The following XRCC5 variants were observed in gnomAD, a reference collection of about 807,000 sequenced individuals.
XRCC5 encodes the protein DNA repair protein Ku80.
Under a neutral mutation model 95.7 loss-of-function variants are expected in XRCC5, and 12 were observed. The observed-to-expected ratio is 0.13, with a 90% CI of 0.08 to 0.20. The LOEUF (loss-of-function observed/expected upper bound fraction) is 0.20, where lower values mean the gene tolerates loss of function less well. Ranked by LOEUF, XRCC5 falls within the 10% of genes least tolerant of loss-of-function variation. The pLI, the probability that XRCC5 is intolerant of heterozygous loss-of-function variation, is 1.00. For synonymous variants in XRCC5, 281 were observed against 290.3 expected, an observed-to-expected ratio of 0.97 and a Z score of 0.33; for missense variants, 595 against 873.9, an observed-to-expected ratio of 0.68 and a Z score of 4.02.
chr2:216,112,461 C>T (rs1234215966), intron 1 of XRCC5, among the ~76,000 whole-genome samples: 1 of 152,208 alleles, frequency 6.6e-6, no homozygotes, highest in Non-Finnish European at 1.5e-5. Context: ...GTGTCCTCTA[C>T]TAGAATAGAT....
intron 14 of XRCC5, chr2:216,156,445 T>C: frequency 1.4e-6 from 1 of 716,372 alleles, no homozygotes. Flanking sequence ...TTGTAGTCTC[T>C]ATCGTACAGC....
intron 7 of XRCC5, among the ~76,000 whole-genome samples, chr2:216,127,136 T>C (rs1696912026): frequency 6.6e-6 from 1 of 151,990 alleles, no homozygotes; most frequent in South Asian, 2.1e-4. Flanking sequence ...GCTACTTGGG[T>C]GTCTGAGGCA....
intron 16 of XRCC5, among the ~76,000 whole-genome samples, chr2:216,164,957 CT>C (rs1689027133): frequency 6.6e-6 from 1 of 152,132 alleles, no homozygotes; most frequent in South Asian, 2.1e-4. Flanking sequence ...TGTCTTACCC[CT>C]GGCCATGGGA....
intron 16 of XRCC5, among the ~76,000 whole-genome samples, chr2:216,168,142 G>A (rs1689089542): frequency 2.6e-5 from 4 of 152,188 alleles, no homozygotes; most frequent in African/African-American, 4.8e-5. Context: ...ATCTGACATC[G>A]TAATTATGCA....
Position 216,117,763 on chromosome 2 carries a change from G to T in XRCC5, c.337G>T (p.Val113Leu). The T allele has an allele frequency of 6.2e-7, 1 of 1,614,108 alleles. No homozygotes were observed. Among genetic ancestry groups the T allele is most frequent in the Non-Finnish European group, 8.5e-7 (1 of 1,179,980 alleles). ...TAGCTGAGTCCTGGATGCACTAATC[G>T]TGAGCATGGATGTGATTCAACATGA... Reference protein sequence around the residue: ...QQADFLDALIVSMDVIQHETI... With the variant: ...QQADFLDALILSMDVIQHETI... The change falls in exon 4 of 21, where the codon GTG becomes TTG. Residue 113 changes from valine (V) to leucine (L), a missense_variant. Val to Leu is a conservative substitution (Grantham distance 32). Around this residue, in one of 2 missense-constraint regions of XRCC5, gnomAD observed 286 missense variants for 491.1 expected, o/e 0.58. Coordinates refer to ENST00000392132, the MANE Select transcript of XRCC5 (RefSeq NM_021141.4).
intron 1 of XRCC5, among the ~76,000 whole-genome samples, chr2:216,110,762 G>T (rs1015405617): frequency 1.3e-5 from 2 of 152,190 alleles, no homozygotes; most frequent in East Asian, 3.8e-4. Flanking sequence ...GCTTTTGTGG[G>T]TGTGTATCAA....
At position 216,119,184 on chromosome 2, in the gene XRCC5, T is replaced by C. The variant is rs759438151; in HGVS notation, c.491+19T>C. 1.9e-6 allele frequency: 3 copies of C among 1,613,288 alleles called. No individual in the cohort carries two copies. The highest frequency in any genetic ancestry group is 2.7e-5 in the African/African-American group (2 of 74,926). On this transcript the variant is annotated intron_variant, in intron 5 of 20. Coordinates refer to ENST00000392132, the MANE Select transcript of XRCC5 (RefSeq NM_021141.4). ...AATTCTTGTAAGATCCTAAGAATAA[T>C]GCATGTAGACAAATCCTATGATTTC...
chr2:216,167,507 C>T (rs1689072222), intron 16 of XRCC5, among the ~76,000 whole-genome samples: 1 of 151,542 alleles, frequency 6.6e-6, no homozygotes, highest in Non-Finnish European at 1.5e-5. Flanking sequence ...GAGTCAAGCC[C>T]TAAACAGTGA....
At chr2:216,182,438 C>T (rs1689407295) in intron 16 of XRCC5, among the ~76,000 whole-genome samples, 1 of 152,054 alleles carries the variant, frequency 6.6e-6, no homozygotes, top group Non-Finnish European at 1.5e-5. Context: ...TTTTTCCTTT[C>T]CCCTACTGCT....
chr2:216,122,100 A>G lies in XRCC5; in HGVS notation c.530A>G (p.Asp177Gly), dbSNP rs760924622. ...CTTGGCAAGGAAGATGGAAGTGGGG[A>G]CAGAGGAGATGGCCCCTTTCGCTTA... The part of the protein sequence containing the change: ...FSLGKEDGSG[D>G]RGDGPFRLGG... The change falls in exon 6 of 21, where the codon GAC (aspartate) becomes GGC (glycine). Residue 177 changes from aspartate to glycine, a missense_variant. Around this residue, in one of 2 missense-constraint regions of XRCC5, gnomAD observed 286 missense variants for 491.1 expected, o/e 0.58. Transcript: ENST00000392132. The G allele has an allele frequency of 6.2e-7, 1 of 1,614,020 alleles. No individual in the cohort carries two copies. The highest frequency in any genetic ancestry group is 8.5e-7 in the Non-Finnish European group (1 of 1,179,970).
chr2:216,184,651 T>A (rs1689459277), intron 16 of XRCC5, among the ~76,000 whole-genome samples: 1 of 152,178 alleles, frequency 6.6e-6, no homozygotes, highest in African/African-American at 2.4e-5. Flanking sequence ...CCCAGCTAAC[T>A]TTTGTATTTT....
chr2:216,156,385 A>T, intron 14 of XRCC5: 1 of 801,284 alleles, frequency 1.2e-6, no homozygotes, highest in Non-Finnish European at 2.2e-6. Context: ...CAACCCTTCA[A>T]TTTAAGTGCT....
At chr2:216,190,392 A>G in intron 17 of XRCC5, 58 bp downstream of exon 17, 1 of 1,426,668 alleles carries the variant, frequency 7.0e-7, no homozygotes, top group Non-Finnish European at 9.8e-7. Flanking sequence ...TCACAGGGAA[A>G]GAGGCATACA....
At chr2:216,153,981 T>A (rs538211899) in intron 14 of XRCC5, among the ~76,000 whole-genome samples, 1 of 152,346 alleles carries the variant, frequency 6.6e-6, no homozygotes, top group South Asian at 2.1e-4. Flanking sequence ...ATTCTCTATT[T>A]CAGTGAATGA....
In XRCC5 at chr2:216,190,350, C is replaced by T. The variant is rs898328166; in HGVS notation, c.1944+16C>T. 1.0e-5 allele frequency: 16 copies of T among 1,603,230 alleles called. No homozygotes were observed. The Admixed American group carries it at 1.5e-4, about 15-fold the overall frequency. The stretch of plus-strand genomic sequence containing the variant: ...AGCCATTAAGGTAATGCTATCCTAG[C>T]ATCTCTTTTCTTCCTAAACAGTTGG... On this transcript the variant is annotated intron_variant, in intron 17 of 20. Coordinates refer to ENST00000392132, the MANE Select transcript of XRCC5 (RefSeq NM_021141.4).
intron 9 of XRCC5, 70 bp downstream of exon 9, chr2:216,131,057 C>A: frequency 1.4e-6 from 2 of 1,461,972 alleles, no homozygotes; most frequent in South Asian, 2.5e-5. Context: ...TTTGATTGGT[C>A]ATTTTATTTA....
rs548046757 is a variant in XRCC5 at position 216,176,868 on chromosome 2, A to C, written c.1835-13357A>C. On this transcript the variant is annotated intron_variant, in intron 16 of 20. Coordinates refer to ENST00000392132, the MANE Select transcript of XRCC5 (RefSeq NM_021141.4). Reference sequence around the variant, plus strand: ...TACATTTCCTGCTAAGCAGTTTTTTAGCTTCACACCATAAATTGCGATGTG... The same window carrying C: ...TACATTTCCTGCTAAGCAGTTTTTTCGCTTCACACCATAAATTGCGATGTG... Among the ~76,000 whole-genome samples the C allele has an allele frequency of 3.3e-5, 5 of 152,268 alleles. No individual in the cohort carries two copies. The South Asian group carries it at 1.0e-3, about 32-fold the overall frequency.
chr2:216,187,861 T>TCTCTCTCTCCCCCC (rs143232624), intron 16 of XRCC5, among the ~76,000 whole-genome samples: 6 of 116,274 alleles, frequency 5.2e-5, no homozygotes, highest in African/African-American at 2.5e-4. Context: ...TCTCTCTCTC[T>TCTCTCTCTCCCCCC]CCCCGTCTCC....
intron 7 of XRCC5, among the ~76,000 whole-genome samples, chr2:216,126,551 T>C: frequency 6.6e-6 from 1 of 152,196 alleles, no homozygotes; most frequent in East Asian, 1.9e-4. Flanking sequence ...ATGAGTTGCT[T>C]TTGGTGATTA....
Sources: gnomAD v4.1 joint callset for allele counts (sites outside exome capture counted in the v4.1 genomes callset) on GRCh38, gnomAD v4.1.1 for gene constraint, gnomAD v4.1.1 regional missense constraint, MANE v1.5 for transcripts, NCBI Gene and HGNC (gene_info 2026-07-23, HGNC 2026-07-21) for gene names.